Variants in LCLAT1 observed in about 807,000 individuals in gnomAD.
LCLAT1 encodes the protein lysocardiolipin acyltransferase 1.
Under a neutral mutation model 30.7 loss-of-function variants are expected in LCLAT1, and 11 were observed. The ratio of observed to expected loss-of-function variants is 0.36; its 90% CI spans 0.23 to 0.59. The LOEUF (loss-of-function observed/expected upper bound fraction) is 0.59, where lower values mean the gene tolerates loss of function less well. Among genes scored for constraint, LCLAT1 ranks in the 20% least tolerant of loss-of-function variants. LCLAT1 has a pLI of 0.77. For missense variants in LCLAT1, 402 were observed against 458.6 expected, an observed-to-expected ratio of 0.88 and a Z score of 1.13; for synonymous variants, 155 against 151.3, an observed-to-expected ratio of 1.02 and a Z score of -0.18.
chr2:30,634,331 A>G (rs1380491607), intron 5 of LCLAT1, among the ~76,000 whole-genome samples: 1 of 152,230 alleles, frequency 6.6e-6, no homozygotes, highest in Non-Finnish European at 1.5e-5. Context: ...TAGATTTATA[A>G]TTTAAACCAT....
chr2:30,633,593 G>A (rs1425938104), intron 5 of LCLAT1, among the ~76,000 whole-genome samples: 1 of 152,158 alleles, frequency 6.6e-6, no homozygotes, highest in Non-Finnish European at 1.5e-5. Flanking sequence ...GCTGAGGCAG[G>A]AGAATTGCTT....
At chr2:30,510,973 AAGAT>A (rs1301097598) in intron 1 of LCLAT1, among the ~76,000 whole-genome samples, 2 of 152,236 alleles carry the variant, frequency 1.3e-5, no homozygotes, top group East Asian at 3.9e-4. Flanking sequence ...GAAAATGTTA[AAGAT>A]AGTTTTCTTT....
Position 30,568,082 on chromosome 2 carries a change from T to C in LCLAT1, c.534T>C (p.Asn178=). ...DLTENSKSRS[N]AFAEKNGLQK... is the part of the protein sequence containing the mutation. ...TAGAAAACAGCAAGTCTCGAAGTAA[T>C]GCATTTGCTGAAAAAAATGGACTTC... is the stretch of plus-strand genomic sequence containing the variant. The change falls in exon 5 of 6, where the codon AAT becomes AAC. Residue 178 remains asparagine (N), a synonymous_variant. Transcript: ENST00000379509. 6.3e-7 allele frequency: 1 copy of C among 1,584,248 alleles called. No individual in the cohort carries two copies. The highest frequency in any genetic ancestry group is 1.1e-5 in the South Asian group (1 of 88,744).
chr2:30,448,375 T>G (rs1681372032), intron 1 of LCLAT1, among the ~76,000 whole-genome samples: 2 of 152,196 alleles, frequency 1.3e-5, no homozygotes, highest in African/African-American at 2.4e-5. Flanking sequence ...TGAGAGTAAG[T>G]AAAAATACAT....
chr2:30,642,997 A>T lies in LCLAT1; in HGVS notation c.*2378A>T, dbSNP rs1299377131. ...TTTGATTTAAAAAAATTAACTATAC[A>T]GTTAATGGTTTAGAACTTAGAACTA... On this transcript the variant is annotated 3_prime_UTR_variant, in exon 6 of 6. Coordinates refer to ENST00000379509, the MANE Select transcript of LCLAT1 (RefSeq NM_001002257.3). 5.6e-5 allele frequency: 2 copies of T among 35,416 alleles called. 1 individual carries two copies. Among genetic ancestry groups the T allele is most frequent in the Non-Finnish European group, 1.0e-4 (2 of 19,782 alleles). 2.2% of individuals were successfully genotyped at this position (35,416 alleles called of 1,614,324 possible). A position where few individuals can be genotyped will look rare whatever the true frequency, so the allele number is the denominator to read the frequency against.
intron 5 of LCLAT1, among the ~76,000 whole-genome samples, chr2:30,598,409 ATTTTC>A (rs1667026444): frequency 7.7e-6 from 1 of 129,342 alleles, no homozygotes. Context: ...TTTCTTCTAG[ATTTTC>A]TTTTTTTTTT....
At chr2:30,564,413 A>G (rs970255911) in intron 4 of LCLAT1, among the ~76,000 whole-genome samples, 15 of 152,186 alleles carry the variant, frequency 9.9e-5, no homozygotes, top group African/African-American at 3.6e-4. Flanking sequence ...CATAAAATGT[A>G]TATGTAAAAC....
At chr2:30,534,350 T>C (rs1409540918) in intron 3 of LCLAT1, among the ~76,000 whole-genome samples, 1 of 151,894 alleles carries the variant, frequency 6.6e-6, no homozygotes, top group African/African-American at 2.4e-5. Context: ...AAGCTCCGGC[T>C]CACTGCAAGC....
At position 30,533,202 on chromosome 2, in the gene LCLAT1, C is replaced by T. The variant is rs771920439; in HGVS notation, c.252C>T (p.Asn84=). The part of the protein sequence containing the change: ...VPGERSVIIM[N]HRTRMDWMFL... Reference sequence around the variant, plus strand: ...GAGAAAGAAGTGTCATTATCATGAACCATCGGACAAGAATGGACTGGATGT... The same window carrying T: ...GAGAAAGAAGTGTCATTATCATGAATCATCGGACAAGAATGGACTGGATGT... Residue 84 remains asparagine, a synonymous_variant, in exon 3 of 6, where the codon AAC becomes AAT. Transcript: ENST00000379509. The T allele has an allele frequency of 1.1e-5, 17 of 1,613,876 alleles. 1 individual carries two copies. The South Asian group carries it at 1.9e-4, about 18-fold the overall frequency.
At chr2:30,527,436 A>G (rs1366264798) in intron 2 of LCLAT1, among the ~76,000 whole-genome samples, 2 of 152,238 alleles carry the variant, frequency 1.3e-5, no homozygotes, top group Admixed American at 1.3e-4. Context: ...ATTATGAACC[A>G]CACATTTTTG....
At position 30,641,905 on chromosome 2, in the gene LCLAT1, T is replaced by C. The variant is rs995350651; in HGVS notation, c.*1286T>C. The C allele has an allele frequency of 1.4e-5, 1 of 71,386 alleles. No individual in the cohort carries two copies. The highest frequency in any genetic ancestry group is 4.4e-5 in the African/African-American group (1 of 22,850). 4.4% of individuals were successfully genotyped at this position (71,386 alleles called of 1,614,324 possible). ...CTGCACACTTTTTTTTCTTTTTTTTTTTCTTTTTTTTTTTGTCGTGTAAGA... is the reference window on the plus strand; with the variant it reads ...CTGCACACTTTTTTTTCTTTTTTTTCTTCTTTTTTTTTTTGTCGTGTAAGA... On this transcript the variant is annotated 3_prime_UTR_variant, in exon 6 of 6. Coordinates refer to ENST00000379509, the MANE Select transcript of LCLAT1 (RefSeq NM_001002257.3).
intron 1 of LCLAT1, among the ~76,000 whole-genome samples, chr2:30,516,323 C>A (rs1685181809): frequency 6.6e-6 from 1 of 152,140 alleles, no homozygotes; most frequent in Admixed American, 6.5e-5. Context: ...CTTTCACTCG[C>A]CGTCCACCAC....
At chr2:30,449,571 G>A (rs147437854) in intron 1 of LCLAT1, among the ~76,000 whole-genome samples, 48 of 151,986 alleles carry the variant, frequency 3.2e-4, no homozygotes, top group African/African-American at 1.1e-3. Flanking sequence ...CACGATCTCG[G>A]CTCACCACAG....
intron 1 of LCLAT1, among the ~76,000 whole-genome samples, chr2:30,491,625 C>T (rs562576486): frequency 4.6e-5 from 7 of 152,322 alleles, no homozygotes; most frequent in African/African-American, 1.7e-4. Flanking sequence ...AAGCTTAAAG[C>T]AGGTGGCCTT....
chr2:30,469,791 T>C (rs908368109), intron 1 of LCLAT1, among the ~76,000 whole-genome samples: 1 of 152,012 alleles, frequency 6.6e-6, no homozygotes, highest in Non-Finnish European at 1.5e-5. Flanking sequence ...TTTTGTATTT[T>C]TAGTAGAGAG....
intron 5 of LCLAT1, among the ~76,000 whole-genome samples, chr2:30,626,140 C>T (rs1292473573): frequency 6.6e-6 from 1 of 152,150 alleles, no homozygotes; most frequent in Non-Finnish European, 1.5e-5. Flanking sequence ...AACATCAGAA[C>T]ATAGAAACTA....
intron 1 of LCLAT1, among the ~76,000 whole-genome samples, chr2:30,516,540 A>G (rs1685193365): frequency 6.6e-6 from 1 of 152,052 alleles, no homozygotes; most frequent in African/African-American, 2.4e-5. Flanking sequence ...CTGTTCTGTG[A>G]CCCACGGCTT....
intron 5 of LCLAT1, among the ~76,000 whole-genome samples, chr2:30,574,821 G>C (rs1419133388): frequency 2.6e-5 from 4 of 152,148 alleles, no homozygotes; most frequent in Admixed American, 1.3e-4. Context: ...GTGGATCTAG[G>C]AGTCAGACTA....
intron 5 of LCLAT1, chr2:30,606,013 C>G (rs749730101): frequency 4.6e-6 from 6 of 1,295,946 alleles, no homozygotes; most frequent in Admixed American, 4.7e-5. Context: ...CTCTGTTGAT[C>G]AGGCAGGAGG....
Sources: gnomAD v4.1 joint callset for allele counts (sites outside exome capture counted in the v4.1 genomes callset) on GRCh38, gnomAD v4.1.1 for gene constraint, MANE v1.5 for transcripts, NCBI Gene and HGNC (gene_info 2026-07-23, HGNC 2026-07-21) for gene names.